AJAP1: variants seen among roughly 807,000 people sequenced by gnomAD.
The protein encoded by AJAP1 is adherens junctions associated protein 1.
Under a neutral mutation model 35.0 loss-of-function variants are expected in AJAP1, and 5 were observed. The ratio of observed to expected loss-of-function variants is 0.14; its 90% CI spans 0.07 to 0.30. The LOEUF (loss-of-function observed/expected upper bound fraction) is 0.30. AJAP1 is among the 10% of genes least tolerant of loss of function. The probability of loss-of-function intolerance (pLI) is 1.00; values close to 1 mark genes in which losing one functional copy is unlikely to be tolerated. For synonymous variants in AJAP1, 284 were observed against 249.3 expected (o/e 1.14, Z -1.31); for missense variants, 586 against 571.0 (o/e 1.03, Z -0.27).
chr1:4,672,258 C>T (rs55753116), intron 1 of AJAP1, among the ~76,000 whole-genome samples: 21,231 of 152,084 alleles, frequency 0.14, 1,986 homozygotes, highest in East Asian at 0.35. Flanking sequence ...AATCACTGCA[C>T]CATGAAGGAG....
chr1:4,741,753 A>C (rs1324897207), intron 2 of AJAP1, among the ~76,000 whole-genome samples: 1 of 152,208 alleles, frequency 6.6e-6, no homozygotes, highest in Non-Finnish European at 1.5e-5. Context: ...TCTTGGAACC[A>C]GGGCTCATTG....
intron 5 of AJAP1, among the ~76,000 whole-genome samples, chr1:4,774,928 CAGG>C (rs1364487389): frequency 6.6e-6 from 1 of 152,114 alleles, no homozygotes; most frequent in Non-Finnish European, 1.5e-5. Flanking sequence ...TTTCCCACAA[CAGG>C]AGGAGATTAG....
rs141516377 is a variant in AJAP1, at chr1:4,687,227, C to G, written c.30-24673C>G. ...CAGGCTTGAGGACCTGAACGCCTCTCGAAAGCCACCATGGGCACTCGCTAT... is the reference window on the plus strand; with the variant it reads ...CAGGCTTGAGGACCTGAACGCCTCTGGAAAGCCACCATGGGCACTCGCTAT... On this transcript the variant is annotated intron_variant, in intron 1 of 5. Coordinates refer to ENST00000378191, the MANE Select transcript of AJAP1 (RefSeq NM_018836.4). Among the ~76,000 whole-genome samples, 665 of 152,306 alleles carry G rather than the reference C, an allele frequency of 4.4e-3. 4 individuals carry two copies. Among genetic ancestry groups the G allele is most frequent in the African/African-American group, 0.015 (629 of 41,560 alleles).
At chr1:4,744,907 G>A (rs1284624370) in intron 2 of AJAP1, among the ~76,000 whole-genome samples, 1 of 152,124 alleles carries the variant, frequency 6.6e-6, no homozygotes, top group Non-Finnish European at 1.5e-5. Context: ...GGGGCTTCAG[G>A]AGAGAGGCAG....
intron 2 of AJAP1, among the ~76,000 whole-genome samples, chr1:4,743,972 T>G (rs1031401113): frequency 1.5e-4 from 23 of 151,710 alleles, no homozygotes; most frequent in Admixed American, 2.6e-4. Flanking sequence ...GATGCGGAGG[T>G]GAAGTGATGT....
intron 5 of AJAP1, among the ~76,000 whole-genome samples, chr1:4,776,311 G>A (rs1220138175): frequency 6.6e-6 from 1 of 152,010 alleles, no homozygotes; most frequent in South Asian, 2.1e-4. Flanking sequence ...ATGTTTGCAC[G>A]GCAGCTCATG....
At position 4,712,071 on chromosome 1, in the gene AJAP1, G is replaced by A. The variant is rs1640259775; in HGVS notation, c.201G>A (p.Arg67=). The A allele has an allele frequency of 2.5e-6, 4 of 1,581,654 alleles. No homozygotes were observed. The highest frequency in any genetic ancestry group is 1.2e-5 in the South Asian group (1 of 86,956). The part of the protein sequence containing the change: ...PPRPPRLWSF[R]SGQPARVPAP... ...GGCCGCCCCGGCTGTGGAGTTTTAG[G>A]AGTGGACAGCCAGCGCGGGTCCCGG... is the stretch of plus-strand genomic sequence containing the variant. Residue 67 remains arginine (R), a synonymous_variant, in exon 2 of 6, where the codon AGG becomes AGA. Coordinates refer to ENST00000378191, the MANE Select transcript of AJAP1 (RefSeq NM_018836.4).
At chr1:4,674,176 G>A (rs1464419422) in intron 1 of AJAP1, among the ~76,000 whole-genome samples, 5 of 152,144 alleles carry the variant, frequency 3.3e-5, no homozygotes, top group Admixed American at 6.5e-5. Flanking sequence ...AAGAAGGCAG[G>A]GCAGTGGGCA....
intron 2 of AJAP1, among the ~76,000 whole-genome samples, chr1:4,741,868 C>T (rs1405628984): frequency 6.6e-6 from 1 of 152,198 alleles, no homozygotes; most frequent in African/African-American, 2.4e-5. Flanking sequence ...GGGCACCTGT[C>T]TAAAAGACCC....
chr1:4,774,437 T>C lies in AJAP1; in HGVS notation c.1174T>C (p.Ser392Pro). Residue 392 changes from serine (S) to proline (P), a missense_variant, in exon 5 of 6, where the codon TCT (serine) becomes CCT (proline). By Grantham distance (74) the Ser-to-Pro change is moderately conservative. Coordinates refer to ENST00000378191, the MANE Select transcript of AJAP1 (RefSeq NM_018836.4). ...TTCTGTTCACCGCAGACCCTCCTCT[T>C]CTGATCGGCATCTTATTCCTGTGGC... ...STFNGNRPSS[S>P]DRHLIPVAFV... The C allele has an allele frequency of 6.2e-7, 1 of 1,614,208 alleles. No individual in the cohort carries two copies. Among genetic ancestry groups the C allele is most frequent in the Non-Finnish European group, 8.5e-7 (1 of 1,180,018 alleles).
At chr1:4,737,132 G>A (rs1397312015) in intron 2 of AJAP1, among the ~76,000 whole-genome samples, 1 of 152,242 alleles carries the variant, frequency 6.6e-6, no homozygotes, top group Non-Finnish European at 1.5e-5. Flanking sequence ...GATGCTGTGT[G>A]AGAGCGTCCT....
intron 3 of AJAP1, 127 bp downstream of exon 3, chr1:4,770,067 G>A: frequency 2.5e-6 from 2 of 795,570 alleles, no homozygotes; most frequent in Non-Finnish European, 4.2e-6. Flanking sequence ...GGGCAGTTCA[G>A]CTGCCACAGG....
chr1:4,659,652 G>C (rs1223950778), intron 1 of AJAP1, among the ~76,000 whole-genome samples: 5 of 152,208 alleles, frequency 3.3e-5, no homozygotes, highest in African/African-American at 1.2e-4. Context: ...CAGGAGGAGA[G>C]AGGAGGACTG....
intron 1 of AJAP1, among the ~76,000 whole-genome samples, chr1:4,678,715 C>T (rs990297612): frequency 2.0e-5 from 3 of 152,318 alleles, no homozygotes; most frequent in African/African-American, 7.2e-5. Context: ...GGGTCCCACC[C>T]ACACTCGAGG....
Position 4,755,578 on chromosome 1 carries a change from G to A in AJAP1, c.830-14275G>A, listed in dbSNP as rs183535738. Among the ~76,000 whole-genome samples the A allele has an allele frequency of 2.8e-3, 423 of 152,132 alleles. 2 individuals are homozygous for A. Among genetic ancestry groups the A allele is most frequent in the African/African-American group, 9.7e-3 (402 of 41,480 alleles). Reference sequence around the variant, plus strand: ...CTGCCCATGGACTCAGTCTAGTACCGGGGGTTTGACTCAGACCTCACTGGA... The same window carrying A: ...CTGCCCATGGACTCAGTCTAGTACCAGGGGTTTGACTCAGACCTCACTGGA... On this transcript the variant is annotated intron_variant, in intron 2 of 5. Transcript: ENST00000378191.
intron 1 of AJAP1, among the ~76,000 whole-genome samples, chr1:4,703,213 C>T (rs776902173): frequency 3.3e-5 from 5 of 152,182 alleles, no homozygotes; most frequent in African/African-American, 4.8e-5. Flanking sequence ...AAGTGATTCA[C>T]GGCTTAATGT....
rs1312884777 is a variant in AJAP1, at chr1:4,712,132, C to G, written c.262C>G (p.Arg88Gly). The G allele has an allele frequency of 6.4e-7, 1 of 1,553,420 alleles. No homozygotes were observed. Among genetic ancestry groups the G allele is most frequent in the Admixed American group, 2.0e-5 (1 of 50,508 alleles). ...GAGCCCCCGGCCGCCCCGAGTGGAG[C>G]GGATCCACGGGCAGATGCAGATGCC... ...VWSPRPPRVE[R>G]IHGQMQMPRA... The change falls in exon 2 of 6, where the codon CGG becomes GGG. Residue 88 changes from arginine to glycine, a missense_variant. Arg to Gly is a moderately radical substitution (Grantham distance 125). Coordinates refer to ENST00000378191, the MANE Select transcript of AJAP1 (RefSeq NM_018836.4).
At chr1:4,765,511 G>A (rs1641664107) in intron 2 of AJAP1, among the ~76,000 whole-genome samples, 1 of 152,188 alleles carries the variant, frequency 6.6e-6, no homozygotes, top group Non-Finnish European at 1.5e-5. Context: ...CATGAGTGAA[G>A]AAGGAGGAGA....
intron 5 of AJAP1, among the ~76,000 whole-genome samples, chr1:4,778,707 T>C (rs890463334): frequency 6.6e-6 from 1 of 151,940 alleles, no homozygotes. Flanking sequence ...AGAGACTCCC[T>C]TCCCTGCATA....
Sources: allele counts gnomAD v4.1 joint callset (sites outside exome capture counted in the v4.1 genomes callset), GRCh38; gene constraint gnomAD v4.1.1; transcripts MANE v1.5; gene names NCBI Gene and HGNC (gene_info 2026-07-23, HGNC 2026-07-21).